The following RTF1 variants were observed in gnomAD, a reference collection of about 807,000 sequenced individuals.
RTF1 encodes the protein RNA polymerase-associated protein RTF1 homolog.
Under a neutral mutation model 95.7 loss-of-function variants are expected in RTF1, and 10 were observed. The observed-to-expected ratio is 0.10, with a 90% confidence interval of 0.06 to 0.18. The LOEUF (loss-of-function observed/expected upper bound fraction) is 0.18. Ranked by LOEUF, RTF1 falls within the 10% of genes least tolerant of loss-of-function variation. RTF1 has a pLI of 1.00. For missense variants in RTF1, 458 were observed against 875.6 expected, an observed-to-expected ratio of 0.52 and a Z score of 6.02; for synonymous variants, 305 against 311.8, an observed-to-expected ratio of 0.98 and a Z score of 0.23.
At chr15:41,464,543 GTC>G (rs1324244951) in intron 4 of RTF1, among the ~76,000 whole-genome samples, 1 of 152,008 alleles carries the variant, frequency 6.6e-6, no homozygotes, top group Non-Finnish European at 1.5e-5. Context: ...CTGGCCCGTA[GTC>G]TCTCATTTTA....
chr15:41,470,184 C>T (rs2050902815), intron 6 of RTF1, 73 bp from the exon 7 acceptor site: 4 of 1,521,770 alleles, frequency 2.6e-6, no homozygotes, highest in Admixed American at 1.8e-5. Context: ...TCTTCCATTT[C>T]CAGTTCTTTT....
intron 8 of RTF1, 72 bp downstream of exon 8, chr15:41,471,421 C>T: frequency 6.9e-7 from 1 of 1,453,652 alleles, no homozygotes; most frequent in East Asian, 2.3e-5. Flanking sequence ...GCAGGAGCTA[C>T]TGAAAAAATC....
In RTF1 at chr15:41,428,429, G is replaced by A. The variant is rs1463014829; in HGVS notation, c.199-9892G>A. 5.3e-5 allele frequency among the ~76,000 whole-genome samples: 8 copies of A among 150,524 alleles called. No homozygotes were observed. In the East Asian group the frequency reaches 6.0e-4, roughly 11 times the overall value. On this transcript the variant is annotated intron_variant, in intron 1 of 17. Coordinates refer to ENST00000389629, the MANE Select transcript of RTF1 (RefSeq NM_015138.5). ...ACTACAGGTGCCCGCCACTACACCC[G>A]GCTAATTTTTTTGTATTTTTAGTAG...
chr15:41,426,722 G>A (rs1342770049), intron 1 of RTF1, among the ~76,000 whole-genome samples: 3 of 27,438 alleles, frequency 1.1e-4, no homozygotes, highest in Admixed American at 1.1e-3. Flanking sequence ...CCCCCCGCCG[G>A]CCTCCTGAAG....
intron 1 of RTF1, among the ~76,000 whole-genome samples, chr15:41,432,825 G>A (rs28416360): frequency 0.22 from 32,821 of 151,958 alleles, 3,887 homozygotes; most frequent in Non-Finnish European, 0.26. Flanking sequence ...TGTAATCCCA[G>A]CTACTTGGGA....
rs1224271275 is a variant in RTF1 at position 41,481,604 on chromosome 15, G to C, written c.*917G>C. 2 of 152,466 alleles carry C rather than the reference G, an allele frequency of 1.3e-5. No individual in the cohort carries two copies. The highest frequency in any genetic ancestry group is 2.9e-5 in the Non-Finnish European group (2 of 68,048). 9.4% of individuals were successfully genotyped at this position (152,466 alleles called of 1,614,324 possible). On this transcript the variant is annotated 3_prime_UTR_variant, in exon 18 of 18. Coordinates refer to ENST00000389629, the MANE Select transcript of RTF1 (RefSeq NM_015138.5). The stretch of plus-strand genomic sequence containing the variant: ...AGCCCATGGCCAGGTACCAGGGAGG[G>C]CAGTGAATGTCTTGCTCTTCCCATG...
intron 3 of RTF1, among the ~76,000 whole-genome samples, chr15:41,455,817 T>C (rs1425256795): frequency 5.3e-5 from 8 of 151,100 alleles, no homozygotes; most frequent in African/African-American, 1.9e-4. Context: ...CATTGGGGAC[T>C]TGGGGAGGGA....
intron 4 of RTF1, among the ~76,000 whole-genome samples, chr15:41,461,943 G>A (rs1293739356): frequency 6.0e-5 from 9 of 149,782 alleles, no homozygotes; most frequent in African/African-American, 2.0e-4. Flanking sequence ...TTTTAGAGAG[G>A]GGGGGTTTGC....
intron 1 of RTF1, among the ~76,000 whole-genome samples, chr15:41,434,906 C>T (rs1466475245): frequency 1.3e-5 from 2 of 151,252 alleles, no homozygotes; most frequent in South Asian, 4.2e-4. Context: ...GGATTACAGG[C>T]GTGAGCCACC....
chr15:41,472,780 CA>C (rs2050920070), intron 8 of RTF1, among the ~76,000 whole-genome samples: 1 of 151,722 alleles, frequency 6.6e-6, no homozygotes, highest in Non-Finnish European at 1.5e-5. Flanking sequence ...CGGCTCACTG[CA>C]AACTCTGGCT....
chr15:41,456,640 T>C (rs980539842), intron 3 of RTF1, among the ~76,000 whole-genome samples: 3 of 148,968 alleles, frequency 2.0e-5, no homozygotes, highest in Non-Finnish European at 4.4e-5. Context: ...CTGCTGAAAA[T>C]ATAAAAATTA....
At chr15:41,446,665 A>G (rs1275274081) in intron 2 of RTF1, among the ~76,000 whole-genome samples, 1 of 152,166 alleles carries the variant, frequency 6.6e-6, no homozygotes, top group Non-Finnish European at 1.5e-5. Context: ...TTAGTCTCAC[A>G]CTACCCTGGT....
intron 5 of RTF1, 48 bp from the exon 6 acceptor site, chr15:41,466,093 A>T (rs2050878976): frequency 8.1e-7 from 1 of 1,234,084 alleles, no homozygotes; most frequent in Non-Finnish European, 1.1e-6. Flanking sequence ...AGAGAATCTT[A>T]TCAGCTGTTG....
chr15:41,468,530 G>A (rs2050892978), intron 6 of RTF1, among the ~76,000 whole-genome samples: 3 of 152,086 alleles, frequency 2.0e-5, no homozygotes, highest in Admixed American at 1.3e-4. Context: ...TGTTAGCCAG[G>A]ATGGTCTTGA....
At chr15:41,418,866 T>TA (rs1283359423) in intron 1 of RTF1, among the ~76,000 whole-genome samples, 3 of 152,032 alleles carry the variant, frequency 2.0e-5, no homozygotes, top group Admixed American at 6.6e-5. Flanking sequence ...TTTATTTATT[T>TA]TTTTTTGAGA....
rs564516997 is a variant in RTF1, at chr15:41,417,145, A to G, written c.30A>G (p.Ala10=). MRGRLCVGR[A]AAAAAAVAVP... ...GCGGTCGCCTTTGTGTGGGTCGAGC[A>G]GCGGCGGCGGCGGCGGCAGTGGCGG... Residue 10 remains alanine (A), a synonymous_variant, in exon 1 of 18, where the codon GCA becomes GCG. Transcript: ENST00000389629. 622 of 1,258,374 alleles carry G rather than the reference A, an allele frequency of 4.9e-4. No homozygotes were observed. The highest frequency in any genetic ancestry group is 5.9e-4 in the East Asian group (19 of 31,988). 78.0% of individuals were successfully genotyped at this position (1,258,374 alleles called of 1,614,324 possible).
chr15:41,440,024 T>C (rs2050724524), intron 2 of RTF1, among the ~76,000 whole-genome samples: 1 of 152,164 alleles, frequency 6.6e-6, no homozygotes. Flanking sequence ...CCTTTCAGTG[T>C]AATTTCTTAC....
chr15:41,464,930 T>C (rs1228649639), intron 5 of RTF1, 45 bp downstream of exon 5: 1 of 1,424,366 alleles, frequency 7.0e-7, no homozygotes, highest in South Asian at 1.4e-5. Context: ...TAAACCTGTT[T>C]TGAGTGTGTG....
intron 1 of RTF1, among the ~76,000 whole-genome samples, chr15:41,419,438 A>G (rs550080899): frequency 1.3e-5 from 2 of 152,362 alleles, no homozygotes; most frequent in South Asian, 4.1e-4. Flanking sequence ...TTGAACCCAG[A>G]TCTGCATGAG....
Sources: allele counts gnomAD v4.1 joint callset (sites outside exome capture counted in the v4.1 genomes callset), GRCh38; gene constraint gnomAD v4.1.1; transcripts MANE v1.5; gene names NCBI Gene and HGNC (gene_info 2026-07-23, HGNC 2026-07-21).